Variants in DIDO1 observed in about 807,000 individuals in gnomAD.
DIDO1 encodes death-inducer obliterator 1.
In DIDO1, 16 loss-of-function variants were observed where a neutral mutation model predicts 99.4. The observed-to-expected ratio is 0.16, with a 90% CI of 0.11 to 0.24. DIDO1 has a LOEUF of 0.24. Among genes scored for constraint, DIDO1 ranks in the 10% least tolerant of loss-of-function variants. The pLI is 1.00. For synonymous variants in DIDO1, 1,366 were observed against 1,239.1 expected (o/e 1.10, Z -2.15); for missense variants, 2,996 against 3,014.0 (o/e 0.99, Z 0.14).
At chr20:62,909,032 A>G (rs918398235) in intron 4 of DIDO1, among the ~76,000 whole-genome samples, 2 of 152,236 alleles carry the variant, frequency 1.3e-5, no homozygotes, top group Non-Finnish European at 2.9e-5. Context: ...TGCACGGCCC[A>G]GCCTTCGGAC....
rs1448026212 is a variant in DIDO1 at position 62,906,004 on chromosome 20, C to A, written c.1471G>T (p.Ala491Ser). The change falls in exon 6 of 16, where the codon GCA becomes TCA. Residue 491 changes from alanine to serine, a missense_variant. Physicochemically the swap from Ala to Ser is moderately conservative, Grantham distance 99 (BLOSUM62 1). Transcript: ENST00000395343. The stretch of plus-strand genomic sequence containing the variant: ...TCACAAGCTGCTTCCTTCCCGAGTG[C>A]TTCACTCCGCGCAGGGACCACCACT... The part of the protein sequence containing the change: ...KAVVVPARSE[A>S]LGKEAACESS... The A allele has an allele frequency of 1.2e-6, 2 of 1,614,022 alleles. No homozygotes were observed. The highest frequency in any genetic ancestry group is 1.1e-5 in the South Asian group (1 of 91,088).
rs184379816 is a variant in DIDO1 at position 62,882,975 on chromosome 20, C to T, written c.3542-561G>A. On this transcript the variant is annotated intron_variant, in intron 15 of 15. Coordinates refer to ENST00000395343, the MANE Select transcript of DIDO1 (RefSeq NM_001193369.2). ...TGTCGCTCTGTTGCCCAGGCTGGAG[C>T]GCAGTGGCGCGAGCTCGGCTCACTA... 9.7e-4 allele frequency among the ~76,000 whole-genome samples: 121 copies of T among 125,230 alleles called. 1 individual carries two copies. Among genetic ancestry groups the T allele is most frequent in the East Asian group, 5.7e-3 (22 of 3,844 alleles). The allele number at this position is 125,230 out of a possible 152,430, so 82.2% of individuals were successfully genotyped here.
At chr20:62,897,083 C>T (rs773875774) in intron 6 of DIDO1, 87 bp from the exon 7 acceptor site, 198 of 1,216,898 alleles carry the variant, frequency 1.6e-4, no homozygotes, top group Non-Finnish European at 2.2e-4. Flanking sequence ...ACCCTTAAAC[C>T]TGTAAGTGCC....
At chr20:62,921,860 G>A (rs1009680960) in intron 1 of DIDO1, among the ~76,000 whole-genome samples, 17 of 147,806 alleles carry the variant, frequency 1.2e-4, no homozygotes, top group African/African-American at 3.5e-4. Context: ...ACATATACCC[G>A]CTATATATAT....
chr20:62,897,705 AC>A (rs1459492381), intron 6 of DIDO1, among the ~76,000 whole-genome samples: 2 of 152,116 alleles, frequency 1.3e-5, no homozygotes, highest in Non-Finnish European at 2.9e-5. Context: ...AAGACATCAA[AC>A]CCCCTCAACT....
At chr20:62,931,363 T>G (rs1226860158), upstream of DIDO1, among the ~76,000 whole-genome samples, 1 of 152,210 alleles carries the variant, frequency 6.6e-6, no homozygotes, top group East Asian at 1.9e-4. Context: ...TTGAGGTCAG[T>G]GAAAAGTAAA....
At chr20:62,882,497 A>G in intron 15 of DIDO1, 83 bp from the exon 16 acceptor site, 1 of 1,324,300 alleles carries the variant, frequency 7.6e-7, no homozygotes, top group Admixed American at 2.2e-5. Flanking sequence ...AAGGGCTTTC[A>G]CGGGGAACGT....
In DIDO1 at chr20:62,879,390, C is replaced by T. The variant is rs768093655; in HGVS notation, c.6566G>A (p.Arg2189Gln). 1 of 1,544,510 alleles carries T rather than the reference C, an allele frequency of 6.5e-7. No homozygotes were observed. Among genetic ancestry groups the T allele is most frequent in the South Asian group, 1.2e-5 (1 of 84,890 alleles). ...RERERDRRRD[R>Q]DRSRSRERDR... ...CCGCTCTCTGCTCCGGGACCGGTCC[C>T]GGTCGCGCCTCCGGTCTCGCTCGCG... Residue 2189 changes from arginine (R) to glutamine (Q), a missense_variant, in exon 16 of 16, where the codon CGG becomes CAG. Arg to Gln is a conservative substitution (Grantham distance 43, BLOSUM62 1). Transcript: ENST00000395343. The surrounding 1 kb of genome is among the most constrained non-coding windows in gnomAD (Gnocchi z 6.3).
rs746089476 is a variant in DIDO1 at position 62,909,848 on chromosome 20, C to T, written c.1012G>A (p.Ala338Thr). 1 of 1,614,242 alleles carries T rather than the reference C, an allele frequency of 6.2e-7. No homozygotes were observed. Among genetic ancestry groups the T allele is most frequent in the Non-Finnish European group, 8.5e-7 (1 of 1,180,044 alleles). The change falls in exon 4 of 16, where the codon GCT becomes ACT. Residue 338 changes from alanine (A) to threonine (T), a missense_variant. Coordinates refer to ENST00000395343, the MANE Select transcript of DIDO1 (RefSeq NM_001193369.2). ...TCAGCATCTCCAGGTCTCCATTTAG[C>T]TTCCTGCTGATCTGCCGTTTCTGAA... The part of the protein sequence containing the change: ...THSETADQQE[A>T]KWRPGDADGT...
rs536712014 is a variant in DIDO1, at chr20:62,881,953, G to A, written c.4003C>T (p.Pro1335Ser). The A allele has an allele frequency of 1.9e-6, 3 of 1,613,392 alleles. No homozygotes were observed. The highest frequency in any genetic ancestry group is 3.3e-5 in the Admixed American group (2 of 60,032). ...GGGAGACCTGCGGTGGACCCGGGAG[G>A]CTCTCTGGCGGACGGGTCGAATGAT... is the stretch of plus-strand genomic sequence containing the variant. The part of the protein sequence containing the change: ...KKSFDPSARE[P>S]PGSTAGLPQE... The change falls in exon 16 of 16, where the codon CCT (proline) becomes TCT (serine). Residue 1335 changes from proline to serine, a missense_variant. Physicochemically the swap from Pro to Ser is moderately conservative, Grantham distance 74. Around this residue, in one of 5 missense-constraint regions of DIDO1, gnomAD observed 1,562 missense variants for 1,412.6 expected, o/e 1.11. Coordinates refer to ENST00000395343, the MANE Select transcript of DIDO1 (RefSeq NM_001193369.2). The surrounding 1 kb of genome is among the most constrained non-coding windows in gnomAD (Gnocchi z 8.3).
intron 1 of DIDO1, among the ~76,000 whole-genome samples, chr20:62,925,877 A>G (rs767929408): frequency 1.1e-4 from 16 of 152,188 alleles, no homozygotes; most frequent in Non-Finnish European, 1.8e-4. Context: ...TCTTCAGAAA[A>G]GCGAATCCGG....
chr20:62,904,103 T>C (rs1425130799), intron 6 of DIDO1, among the ~76,000 whole-genome samples: 1 of 152,244 alleles, frequency 6.6e-6, no homozygotes, highest in African/African-American at 2.4e-5. Flanking sequence ...TTAACCAAAC[T>C]GAAATTATCA....
intron 1 of DIDO1, among the ~76,000 whole-genome samples, chr20:62,931,958 G>GA (rs1258591229): frequency 1.3e-5 from 2 of 152,186 alleles, no homozygotes; most frequent in Non-Finnish European, 2.9e-5. Context: ...GTAAAACTGA[G>GA]AAAGAGTGTG....
Position 62,894,434 on chromosome 20 carries a change from G to C in DIDO1, c.2551C>G (p.Leu851Val). ...TSQHRAHLFD[L>V]NCKICTGQVP... ...TCACCTGTGCAAATTTTACAGTTGA[G>C]ATCGAAGAGGTGTGCGCGGTGCTGA... Residue 851 changes from leucine (L) to valine (V), a missense_variant, in exon 11 of 16, where the codon CTC becomes GTC. Transcript: ENST00000395343. This position sits in a 1 kb window ranked among gnomAD's most constrained non-coding sequence, Gnocchi z 4.4. The C allele has an allele frequency of 1.2e-6, 2 of 1,612,888 alleles. No individual in the cohort carries two copies. The highest frequency in any genetic ancestry group is 1.7e-6 in the Non-Finnish European group (2 of 1,180,030).
Position 62,878,002 on chromosome 20 carries a change from C to T in DIDO1, c.*1231G>A, listed in dbSNP as rs761225133. On this transcript the variant is annotated 3_prime_UTR_variant, in exon 16 of 16. Transcript: ENST00000395343. ...TTTAATGTAATTTAACCTATGGACA[C>T]TTGGCTTTCAACACCAAACATCTCA... The T allele has an allele frequency of 6.6e-6, 1 of 152,168 alleles. No homozygotes were observed. Among genetic ancestry groups the T allele is most frequent in the Non-Finnish European group, 1.5e-5 (1 of 68,030 alleles). The allele number at this position is 152,168 out of a possible 1,614,324, so 9.4% of individuals were successfully genotyped here.
intron 6 of DIDO1, among the ~76,000 whole-genome samples, chr20:62,897,605 T>C (rs1489650858): frequency 2.0e-5 from 3 of 152,212 alleles, no homozygotes; most frequent in East Asian, 1.9e-4. Flanking sequence ...GCAGCAATGC[T>C]GTTACAGGAA....
chr20:62,929,093 C>A (rs2065296491), upstream of DIDO1: 1 of 152,230 alleles, frequency 6.6e-6, no homozygotes, highest in African/African-American at 2.4e-5. Flanking sequence ...GGCTTTACTT[C>A]GTTTAAAGCC....
intron 6 of DIDO1, chr20:62,904,883 G>T: frequency 1.5e-6 from 1 of 682,682 alleles, no homozygotes; most frequent in Non-Finnish European, 1.8e-6. Flanking sequence ...TAGGGAATCT[G>T]CTCAAAGTCT....
upstream of DIDO1, among the ~76,000 whole-genome samples, chr20:62,927,691 T>A (rs1046243104): frequency 1.3e-5 from 2 of 152,264 alleles, no homozygotes. Context: ...GATGCTTCCA[T>A]GGATGAACCA....
Sources: gnomAD v4.1 joint callset for allele counts (sites outside exome capture counted in the v4.1 genomes callset) on GRCh38, gnomAD v4.1.1 for gene constraint, gnomAD v4.1.1 regional missense constraint, Gnocchi (gnomAD v3.1) non-coding constraint, MANE v1.5 for transcripts, NCBI Gene and HGNC (gene_info 2026-07-23, HGNC 2026-07-21) for gene names.